Variants in RBFOX1 observed in about 807,000 individuals in gnomAD.
RBFOX1 encodes RNA binding fox-1 homolog 1.
RBFOX1 carries 8 observed loss-of-function variants against 57.7 expected under a neutral mutation model. That is an observed-to-expected ratio of 0.14 (90% confidence interval 0.08 to 0.25). The LOEUF is 0.25. RBFOX1 is among the 10% of genes least tolerant of loss of function. The probability of loss-of-function intolerance (pLI) is 1.00; values close to 1 mark genes in which losing one functional copy is unlikely to be tolerated. For missense variants in RBFOX1, 611 were observed against 548.5 expected (o/e 1.11, Z -1.14); for synonymous variants, 326 against 222.4 (o/e 1.47, Z -4.15).
intron 2 of RBFOX1, among the ~76,000 whole-genome samples, chr16:6,500,099 G>A (rs1030989379): frequency 5.3e-5 from 8 of 152,142 alleles, no homozygotes; most frequent in African/African-American, 1.9e-4. Flanking sequence ...TAAAAAACAA[G>A]TTGAAGGAGC....
intron 3 of RBFOX1, among the ~76,000 whole-genome samples, chr16:6,707,909 G>A (rs543114673): frequency 3.3e-5 from 5 of 152,188 alleles, no homozygotes; most frequent in Non-Finnish European, 7.4e-5. Context: ...GAGGGACTTA[G>A]GGGAAGATTC....
intron 4 of RBFOX1, among the ~76,000 whole-genome samples, chr16:7,094,955 TTGTAAACATCAG>T (rs2061463185): frequency 1.3e-5 from 2 of 152,160 alleles, no homozygotes; most frequent in East Asian, 1.9e-4. Context: ...TAAACATCTA[TTGTAAACATCAG>T]TGTAAACATC....
intron 2 of RBFOX1, among the ~76,000 whole-genome samples, chr16:6,367,379 C>A (rs1477623955): frequency 6.6e-6 from 1 of 152,112 alleles, no homozygotes; most frequent in East Asian, 1.9e-4. Flanking sequence ...CAGGTGATTC[C>A]CCTGCCTCAG....
chr16:6,929,754 A>G (rs996298592), intron 3 of RBFOX1, among the ~76,000 whole-genome samples: 1 of 152,192 alleles, frequency 6.6e-6, no homozygotes, highest in Admixed American at 6.5e-5. Context: ...GGAAAATAGA[A>G]ATGATCGTTT....
At chr16:5,409,320 A>T (rs1567465592) in intron 1 of RBFOX1, among the ~76,000 whole-genome samples, 1 of 152,172 alleles carries the variant, frequency 6.6e-6, no homozygotes, top group Non-Finnish European at 1.5e-5. Context: ...CCACTCCTAG[A>T]GCTCACTGAC....
intron 1 of RBFOX1, among the ~76,000 whole-genome samples, chr16:5,439,721 A>G (rs1302859207): frequency 6.6e-6 from 1 of 152,128 alleles, no homozygotes; most frequent in African/African-American, 2.4e-5. Context: ...CTGGGATTAC[A>G]GGTTTGAGCC....
intron 4 of RBFOX1, among the ~76,000 whole-genome samples, chr16:7,250,448 C>G (rs1053934316): frequency 1.3e-5 from 2 of 152,164 alleles, no homozygotes; most frequent in African/African-American, 4.8e-5. Flanking sequence ...CTAAGTGAAC[C>G]ACAAGAGTTT....
intron 4 of RBFOX1, among the ~76,000 whole-genome samples, chr16:5,872,140 T>A (rs748871151): frequency 6.6e-6 from 1 of 152,180 alleles, no homozygotes; most frequent in Admixed American, 6.5e-5. Flanking sequence ...ACCAGTGCGT[T>A]TGAGAAAGGG....
chr16:6,576,474 T>C (rs1191834672), intron 2 of RBFOX1, among the ~76,000 whole-genome samples: 1 of 152,200 alleles, frequency 6.6e-6, no homozygotes, highest in African/African-American at 2.4e-5. Context: ...TTCGAAGACC[T>C]GCTGTACTCT....
intron 2 of RBFOX1, among the ~76,000 whole-genome samples, chr16:5,528,463 G>T (rs1025228063): frequency 6.6e-6 from 1 of 151,950 alleles, no homozygotes. Context: ...GTTGTTGCCT[G>T]TGTGGCCCTT....
chr16:6,682,722 C>T (rs572881898), intron 3 of RBFOX1, among the ~76,000 whole-genome samples: 5 of 152,050 alleles, frequency 3.3e-5, no homozygotes, highest in African/African-American at 1.2e-4. Context: ...GTTTGACGAT[C>T]ATGGTGTGAG....
intron 13 of RBFOX1, among the ~76,000 whole-genome samples, chr16:7,672,151 G>C (rs1257737572): frequency 6.6e-6 from 1 of 152,188 alleles, no homozygotes; most frequent in African/African-American, 2.4e-5. Flanking sequence ...TTTCAAGCCT[G>C]TTGTTATAGC....
intron 1 of RBFOX1, among the ~76,000 whole-genome samples, chr16:6,033,811 A>G (rs1370115789): frequency 6.6e-6 from 1 of 152,202 alleles, no homozygotes; most frequent in Non-Finnish European, 1.5e-5. Context: ...TGTTAGGTCA[A>G]AGGAAACATG....
intron 4 of RBFOX1, among the ~76,000 whole-genome samples, chr16:7,502,755 G>A (rs1419124814): frequency 6.6e-6 from 1 of 152,216 alleles, no homozygotes; most frequent in Non-Finnish European, 1.5e-5. Flanking sequence ...TGGGAGTACT[G>A]GCTCATGCCT....
chr16:7,700,196 A>T (rs958987431), intron 14 of RBFOX1, among the ~76,000 whole-genome samples: 11 of 152,072 alleles, frequency 7.2e-5, no homozygotes, highest in African/African-American at 2.7e-4. Context: ...CTTTACCGGG[A>T]AGCTCACTGA....
At chr16:7,162,933 G>C (rs370083684) in intron 4 of RBFOX1, among the ~76,000 whole-genome samples, 1 of 152,100 alleles carries the variant, frequency 6.6e-6, no homozygotes, top group Non-Finnish European at 1.5e-5. Context: ...TTTTCTTCCC[G>C]TTTTGGCCAT....
intron 2 of RBFOX1, among the ~76,000 whole-genome samples, chr16:5,566,630 ATGTGTATATG>A (rs1261295265): frequency 2.0e-5 from 3 of 148,900 alleles, no homozygotes; most frequent in Non-Finnish European, 4.4e-5. Context: ...GTATGTATAT[ATGTGTATATG>A]TGTGTATATA....
intron 2 of RBFOX1, among the ~76,000 whole-genome samples, chr16:5,475,891 A>G (rs2039032370): frequency 6.6e-6 from 1 of 152,280 alleles, no homozygotes; most frequent in South Asian, 2.1e-4. Context: ...CTGCAGTCTC[A>G]AACTCCTGTG....
At chr16:7,543,976 C>T (rs1487530207) in intron 5 of RBFOX1, among the ~76,000 whole-genome samples, 1 of 152,186 alleles carries the variant, frequency 6.6e-6, no homozygotes, top group African/African-American at 2.4e-5. Flanking sequence ...GCCTTGGTTT[C>T]CCAAAGTGCT....
Sources: allele counts gnomAD v4.1 joint callset (sites outside exome capture counted in the v4.1 genomes callset), GRCh38; gene constraint gnomAD v4.1.1; transcripts MANE v1.5; gene names NCBI Gene and HGNC (gene_info 2026-07-23, HGNC 2026-07-21).